The following AFF1 variants were observed in gnomAD, a reference collection of about 807,000 sequenced individuals.
AFF1 encodes AF4/FMR2 family member 1.
Under a neutral mutation model 121.7 loss-of-function variants are expected in AFF1, and 48 were observed. The ratio of observed to expected loss-of-function variants is 0.39; its 90% CI spans 0.31 to 0.50. The LOEUF (loss-of-function observed/expected upper bound fraction) is 0.50, where lower values mean the gene tolerates loss of function less well. Among genes scored for constraint, AFF1 ranks in the 20% least tolerant of loss-of-function variants. AFF1 has a pLI of 0.76. For synonymous variants in AFF1, 613 were observed against 563.0 expected (o/e 1.09, Z -1.26); for missense variants, 1,523 against 1,511.7 (o/e 1.01, Z -0.12).
chr4:87,007,282 A>G (rs1203811007), intron 2 of AFF1: 7 of 1,560,016 alleles, frequency 4.5e-6, no homozygotes, highest in Non-Finnish European at 5.2e-6. Context: ...GTCCCGTAAC[A>G]TCGGGGCGCC....
chr4:87,072,767 G>C (rs1177048612), intron 4 of AFF1, among the ~76,000 whole-genome samples: 1 of 152,172 alleles, frequency 6.6e-6, no homozygotes, highest in Non-Finnish European at 1.5e-5. Context: ...CTGACCTCAA[G>C]TGATCTGCCT....
chr4:86,981,476 T>C (rs1192605474), intron 2 of AFF1, among the ~76,000 whole-genome samples: 2 of 152,146 alleles, frequency 1.3e-5, no homozygotes, highest in African/African-American at 4.8e-5. Context: ...CAAGCAATTC[T>C]CCTGCCTCAG....
At chr4:87,094,813 G>A (rs1228280872) in intron 7 of AFF1, 102 bp from the exon 8 acceptor site, 3 of 995,230 alleles carry the variant, frequency 3.0e-6, no homozygotes, top group Non-Finnish European at 4.7e-6. Context: ...ACCAAGTGCA[G>A]TGTGTTTAGG....
chr4:87,115,625 T>TTTTTTGTTTTTTTTC (rs397994396), intron 12 of AFF1, among the ~76,000 whole-genome samples: 2 of 102,970 alleles, frequency 1.9e-5, no homozygotes, highest in African/African-American at 6.6e-5. Context: ...TTTTTTTTTT[T>TTTTTTGTTTTTTTTC]CCAAAGACAG....
intron 4 of AFF1, among the ~76,000 whole-genome samples, chr4:87,075,037 AT>A (rs1479462745): frequency 6.6e-5 from 10 of 152,356 alleles, no homozygotes; most frequent in Non-Finnish European, 8.8e-5. Context: ...GCCTCTACAA[AT>A]TTTATATGCT....
Position 87,114,920 on chromosome 4 carries a change from C to A in AFF1, c.2087C>A (p.Ala696Glu), listed in dbSNP as rs371547839. Reference sequence around the variant, plus strand: ...AAGGCTCTCTCAGGCCCAGAACCCGCGAAGGACAATGTGGAGGACAGGACC... The same window carrying A: ...AAGGCTCTCTCAGGCCCAGAACCCGAGAAGGACAATGTGGAGGACAGGACC... ...PSKALSGPEP[A>E]KDNVEDRTPE... Residue 696 changes from alanine to glutamate, a missense_variant, in exon 12 of 21, where the codon GCG (alanine) becomes GAG (glutamate). Physicochemically the swap from Ala to Glu is moderately radical, Grantham distance 107 (BLOSUM62 -1). Coordinates refer to ENST00000395146, the MANE Select transcript of AFF1 (RefSeq NM_001166693.3). 1 of 1,612,456 alleles carries A rather than the reference C, an allele frequency of 6.2e-7. No homozygotes were observed. The highest frequency in any genetic ancestry group is 8.5e-7 in the Non-Finnish European group (1 of 1,179,278).
chr4:87,016,106 G>C (rs182678502), intron 2 of AFF1, among the ~76,000 whole-genome samples: 10 of 152,048 alleles, frequency 6.6e-5, no homozygotes, highest in East Asian at 3.9e-4. Context: ...GCTTGAACTC[G>C]GGAGGTGGAG....
At chr4:87,055,462 T>A (rs1720023710) in intron 4 of AFF1, among the ~76,000 whole-genome samples, 1 of 152,118 alleles carries the variant, frequency 6.6e-6, no homozygotes, top group Non-Finnish European at 1.5e-5. Flanking sequence ...GAGAAATTCC[T>A]GTTCCTCCTT....
intron 8 of AFF1, 56 bp downstream of exon 8, chr4:87,095,025 C>G (rs1724687221): frequency 6.8e-7 from 1 of 1,466,380 alleles, no homozygotes; most frequent in African/African-American, 1.4e-5. Flanking sequence ...TGTAATGTCT[C>G]ATGTCAATGC....
At chr4:86,950,222 C>T (rs970115765) in intron 2 of AFF1, 26 of 1,051,304 alleles carry the variant, frequency 2.5e-5, no homozygotes, top group South Asian at 5.3e-5. Context: ...ATTGTTGCCC[C>T]GGCTGGAGTG....
chr4:87,006,207 G>A (rs937529476), intron 2 of AFF1, among the ~76,000 whole-genome samples: 7 of 152,190 alleles, frequency 4.6e-5, no homozygotes, highest in Non-Finnish European at 1.0e-4. Context: ...CACAGTGCAG[G>A]CAGTTATTCA....
chr4:87,082,898 G>C (rs562003242), intron 4 of AFF1, among the ~76,000 whole-genome samples: 3 of 152,262 alleles, frequency 2.0e-5, no homozygotes, highest in African/African-American at 7.2e-5. Context: ...ACATAAATTA[G>C]AACCAAGAAC....
chr4:86,971,789 C>A (rs1040158485), intron 2 of AFF1, among the ~76,000 whole-genome samples: 1 of 152,106 alleles, frequency 6.6e-6, no homozygotes, highest in Non-Finnish European at 1.5e-5. Context: ...TATGAGTGGA[C>A]AGTATGGGAA....
At chr4:86,974,279 C>A (rs890693152) in intron 2 of AFF1, among the ~76,000 whole-genome samples, 4 of 152,108 alleles carry the variant, frequency 2.6e-5, no homozygotes, top group African/African-American at 9.7e-5. Flanking sequence ...TCCCAAGTGG[C>A]TGGAGTTACA....
At chr4:86,958,646 A>G (rs961557207) in intron 2 of AFF1, among the ~76,000 whole-genome samples, 3 of 152,126 alleles carry the variant, frequency 2.0e-5, no homozygotes, top group African/African-American at 7.2e-5. Context: ...TCAACCCAGG[A>G]GGCAGAGGTT....
chr4:86,991,306 TTGG>T (rs1724688198), intron 2 of AFF1, among the ~76,000 whole-genome samples: 1 of 150,310 alleles, frequency 6.7e-6, no homozygotes, highest in Non-Finnish European at 1.5e-5. Context: ...TTAGCCGGGC[TTGG>T]TGGCAGGCAC....
At chr4:87,007,134 C>G in intron 2 of AFF1, 2 of 1,266,968 alleles carry the variant, frequency 1.6e-6, no homozygotes, top group Non-Finnish European at 2.0e-6. Context: ...CGGATTCGGA[C>G]GCGGCGCTCC....
intron 2 of AFF1, among the ~76,000 whole-genome samples, chr4:87,039,780 T>C (rs1729931994): frequency 6.6e-6 from 1 of 152,196 alleles, no homozygotes; most frequent in South Asian, 2.1e-4. Flanking sequence ...CCTATTTAAA[T>C]AGATTTTTGC....
intron 10 of AFF1, 51 bp from the exon 11 acceptor site, chr4:87,108,108 A>T: frequency 6.3e-7 from 1 of 1,589,080 alleles, no homozygotes; most frequent in Non-Finnish European, 8.6e-7. Flanking sequence ...GAGAAAGAAG[A>T]AATCCACCTT....
Sources: allele counts gnomAD v4.1 joint callset (sites outside exome capture counted in the v4.1 genomes callset), GRCh38; gene constraint gnomAD v4.1.1; transcripts MANE v1.5; gene names NCBI Gene and HGNC (gene_info 2026-07-23, HGNC 2026-07-21).